Variants in ZFHX3 observed in about 807,000 individuals in gnomAD.
ZFHX3 encodes zinc finger homeobox protein 3.
Under a neutral mutation model 279.1 loss-of-function variants are expected in ZFHX3, and 42 were observed. The observed-to-expected ratio is 0.15, with a 90% CI of 0.12 to 0.19. The LOEUF (loss-of-function observed/expected upper bound fraction) is 0.19. Among genes scored for constraint, ZFHX3 ranks in the 10% least tolerant of loss-of-function variants. The pLI is 1.00. For synonymous variants in ZFHX3, 2,293 were observed against 1,957.8 expected (o/e 1.17, Z -4.52); for missense variants, 4,981 against 4,754.0 (o/e 1.05, Z -1.40).
At chr16:73,112,999 G>C (rs2144800683) in intron 7 of ZFHX3, among the ~76,000 whole-genome samples, 1 of 152,074 alleles carries the variant, frequency 6.6e-6, no homozygotes, top group South Asian at 2.1e-4. Flanking sequence ...TGGCTCTTCA[G>C]ACAAACTTTG....
rs1267981562 is a variant in ZFHX3, at chr16:72,794,105, C to G, written c.8577G>C (p.Thr2859=). The G allele has an allele frequency of 6.2e-7, 1 of 1,614,070 alleles. No individual in the cohort carries two copies. Among genetic ancestry groups the G allele is most frequent in the Non-Finnish European group, 8.5e-7 (1 of 1,180,044 alleles). Residue 2859 remains threonine (T), a synonymous_variant, in exon 9 of 10, where the codon ACG becomes ACC. Transcript: ENST00000268489. The surrounding 1 kb of genome is among the most constrained non-coding windows in gnomAD (Gnocchi z 4.2). ...DEGNADNDSA[T]GIATETKSSS... is the part of the protein sequence containing the mutation. ...AGGATTTGGTTTCAGTTGCTATTCC[C>G]GTTGCACTGTCGTTATCTGCGTTGC... is the stretch of plus-strand genomic sequence containing the variant.
chr16:73,536,113 T>A (rs572395885), intron 2 of ZFHX3, among the ~76,000 whole-genome samples: 1 of 152,222 alleles, frequency 6.6e-6, no homozygotes, highest in African/African-American at 2.4e-5. Flanking sequence ...GCATATATTA[T>A]GCTTAGTTGA....
chr16:73,807,619 A>ATTTTTTTTTTTTTTTTTTTTT, intron 1 of ZFHX3, among the ~76,000 whole-genome samples: 1 of 93,702 alleles, frequency 1.1e-5, no homozygotes, highest in African/African-American at 5.9e-5. Context: ...ACCATGCCCC[A>ATTTTTTTTTTTTTTTTTTTTT]ATTTTTTTTT....
chr16:73,113,950 C>T (rs2144801570), intron 7 of ZFHX3, among the ~76,000 whole-genome samples: 1 of 152,094 alleles, frequency 6.6e-6, no homozygotes, highest in East Asian at 1.9e-4. Flanking sequence ...CACCCACTAC[C>T]ATGCCCAGCT....
chr16:73,612,293 A>T (rs1315645876), intron 2 of ZFHX3, among the ~76,000 whole-genome samples: 5 of 152,186 alleles, frequency 3.3e-5, no homozygotes, highest in Non-Finnish European at 7.3e-5. Context: ...ATTGCACTGA[A>T]ACCTCATGAG....
chr16:73,701,626 G>C (rs1327210122), intron 1 of ZFHX3, among the ~76,000 whole-genome samples: 2 of 152,060 alleles, frequency 1.3e-5, no homozygotes, highest in Non-Finnish European at 2.9e-5. Context: ...ATTTTTCATT[G>C]AGAAAACGAT....
intron 4 of ZFHX3, among the ~76,000 whole-genome samples, chr16:73,280,657 T>G: frequency 6.6e-6 from 1 of 152,170 alleles, no homozygotes; most frequent in African/African-American, 2.4e-5. Context: ...CTGGTGGGAC[T>G]GTAAATTGGT....
At chr16:73,271,348 C>G (rs1422311295) in intron 4 of ZFHX3, among the ~76,000 whole-genome samples, 1 of 152,234 alleles carries the variant, frequency 6.6e-6, no homozygotes, top group Admixed American at 6.5e-5. Context: ...GGCCATCTCC[C>G]TGTGGCACCC....
intron 1 of ZFHX3, among the ~76,000 whole-genome samples, chr16:73,850,359 C>T (rs1159877448): frequency 1.3e-5 from 2 of 152,156 alleles, no homozygotes; most frequent in Non-Finnish European, 2.9e-5. Flanking sequence ...ATACTTAATA[C>T]AATGGTCATT....
rs182075869 is a variant in ZFHX3 at position 72,978,113 on chromosome 16, C to A, written c.-49-17919G>T. 1.6e-4 allele frequency among the ~76,000 whole-genome samples: 24 copies of A among 152,312 alleles called. No homozygotes were observed. The East Asian group carries it at 4.4e-3, about 28-fold the overall frequency. On this transcript the variant is annotated intron_variant, in intron 1 of 9. Coordinates refer to ENST00000268489, the MANE Select transcript of ZFHX3 (RefSeq NM_006885.4). ...CTCCTGACCTCAGGTGACCTGCCCG[C>A]CTCATCCTCCCAGAGTGCTGGGATT...
At chr16:72,862,386 C>A (rs767807842) in intron 4 of ZFHX3, among the ~76,000 whole-genome samples, 9 of 152,346 alleles carry the variant, frequency 5.9e-5, no homozygotes, top group Middle Eastern at 6.8e-3. Context: ...ATGTTACCAC[C>A]TTAAAGATTT....
exon 8 of ZFHX3, chr16:73,093,272 C>A (rs1023720988): frequency 6.1e-6 from 3 of 492,018 alleles, no homozygotes; most frequent in Non-Finnish European, 4.0e-6. Context: ...AGGCCACGTG[C>A]CACCCTTTGC....
chr16:73,753,753 C>T (rs1201872935), intron 1 of ZFHX3, among the ~76,000 whole-genome samples: 6 of 152,044 alleles, frequency 3.9e-5, no homozygotes, highest in Non-Finnish European at 7.4e-5. Flanking sequence ...AAGTTCAATG[C>T]TAATTAATCA....
At chr16:72,910,979 G>C in intron 3 of ZFHX3, among the ~76,000 whole-genome samples, 1 of 152,192 alleles carries the variant, frequency 6.6e-6, no homozygotes, top group East Asian at 1.9e-4. Context: ...AGAGAATGTG[G>C]CTGGCAAGTA....
chr16:73,095,256 G>A lies in ZFHX3; in HGVS notation c.-896-1658C>T, dbSNP rs531612421. On this transcript the variant is annotated intron_variant, in intron 7 of 17. Coordinates refer to the ZFHX3 transcript ENST00000641206. ...TGCTTCTCTTAATATTATACTGGATGAAAAGAAAATAAAAGACATCCCACA... is the reference window on the plus strand; with the variant it reads ...TGCTTCTCTTAATATTATACTGGATAAAAAGAAAATAAAAGACATCCCACA... 2.2e-4 allele frequency among the ~76,000 whole-genome samples: 34 copies of A among 152,112 alleles called. 3 individuals are homozygous for A. In the South Asian group the frequency reaches 6.9e-3, roughly 31 times the overall value.
At chr16:73,473,786 G>A (rs1721380077) in intron 2 of ZFHX3, among the ~76,000 whole-genome samples, 1 of 152,168 alleles carries the variant, frequency 6.6e-6, no homozygotes, top group African/African-American at 2.4e-5. Flanking sequence ...TTAACAAATG[G>A]GAGCTTAAGC....
chr16:73,053,615 C>T (rs528551962), intron 1 of ZFHX3, among the ~76,000 whole-genome samples: 2 of 152,140 alleles, frequency 1.3e-5, no homozygotes, highest in African/African-American at 2.4e-5. Context: ...AATACCAGGG[C>T]GAGTGGATGT....
chr16:72,910,120 A>G (rs2144180694), intron 3 of ZFHX3, among the ~76,000 whole-genome samples: 1 of 152,302 alleles, frequency 6.6e-6, no homozygotes, highest in South Asian at 2.1e-4. Context: ...CAATCAAGGT[A>G]AATACCACCA....
At chr16:72,823,914 A>T (rs2036865135) in intron 5 of ZFHX3, among the ~76,000 whole-genome samples, 1 of 152,128 alleles carries the variant, frequency 6.6e-6, no homozygotes. Flanking sequence ...CTCTCAGCAC[A>T]TACCTTCTTT....
Sources: gnomAD v4.1 joint callset for allele counts (sites outside exome capture counted in the v4.1 genomes callset) on GRCh38, gnomAD v4.1.1 for gene constraint, Gnocchi (gnomAD v3.1) non-coding constraint, MANE v1.5 for transcripts, NCBI Gene and HGNC (gene_info 2026-07-23, HGNC 2026-07-21) for gene names.